The following PPP1R36 variants were observed in gnomAD, a reference collection of about 807,000 sequenced individuals.
PPP1R36 encodes chromosome 14 open reading frame 50.
Under a neutral mutation model 53.4 loss-of-function variants are expected in PPP1R36, and 47 were observed. The ratio of observed to expected loss-of-function variants is 0.88; its 90% CI spans 0.70 to 1.12. The LOEUF is 1.12. PPP1R36 is among the 50% of genes most tolerant of loss of function. The probability of loss-of-function intolerance (pLI) is 0.00; values close to 1 mark genes in which losing one functional copy is unlikely to be tolerated. For synonymous variants in PPP1R36, 153 were observed against 170.5 expected (o/e 0.90, Z 0.80); for missense variants, 456 against 513.9 (o/e 0.89, Z 1.09).
intron 8 of PPP1R36, among the ~76,000 whole-genome samples, chr14:64,583,280 A>C (rs1207403643): frequency 2.0e-5 from 3 of 151,930 alleles, no homozygotes; most frequent in Non-Finnish European, 4.4e-5. Flanking sequence ...ATATGTACTT[A>C]ATATAAAAAT....
At chr14:64,568,548 G>C in intron 7 of PPP1R36, 101 bp downstream of exon 7, 1 of 534,734 alleles carries the variant, frequency 1.9e-6, no homozygotes, top group Non-Finnish European at 3.3e-6. Flanking sequence ...TTAAATCTTT[G>C]AGATGTACTA....
chr14:64,565,771 C>G (rs2080248424), intron 6 of PPP1R36, 79 bp downstream of exon 6: 1 of 1,135,496 alleles, frequency 8.8e-7, no homozygotes, highest in Non-Finnish European at 1.3e-6. Context: ...GATGACAAAT[C>G]TGATTTTTAG....
intron 4 of PPP1R36, 44 bp downstream of exon 4, chr14:64,564,881 C>G (rs747368265): frequency 1.5e-6 from 2 of 1,331,838 alleles, no homozygotes; most frequent in East Asian, 2.4e-5. Flanking sequence ...GATAGCATCT[C>G]TCAGTGGAAT....
intron 3 of PPP1R36, chr14:64,561,973 A>G (rs2080208937): frequency 5.6e-6 from 2 of 356,456 alleles, no homozygotes; most frequent in Non-Finnish European, 5.6e-6. Flanking sequence ...AGCCCTCTGC[A>G]TTTACGTGAT....
In PPP1R36 at chr14:64,587,327, A is replaced by C; in HGVS notation, c.845A>C (p.Glu282Ala). ...ATTCCTCGCAGGAGGCGTGAAGATG[A>C]GGAATCAGGAGGGGAAAAGAAACGC... ...FNIPRRRRED[E>A]ESGGEKKRMT... The change falls in exon 10 of 12, where the codon GAG becomes GCG. Residue 282 changes from glutamate to alanine, a missense_variant. Transcript: ENST00000298705. 1 of 1,613,728 alleles carries C rather than the reference A, an allele frequency of 6.2e-7. No homozygotes were observed. The highest frequency in any genetic ancestry group is 1.7e-5 in the Admixed American group (1 of 59,974).
At chr14:64,575,520 T>G (rs184580180) in intron 8 of PPP1R36, among the ~76,000 whole-genome samples, 1 of 152,364 alleles carries the variant, frequency 6.6e-6, no homozygotes, top group East Asian at 1.9e-4. Context: ...ATTTCTGCAT[T>G]GAATATTCTT....
chr14:64,571,941 C>T (rs979673924), intron 7 of PPP1R36, among the ~76,000 whole-genome samples: 13 of 152,082 alleles, frequency 8.5e-5, no homozygotes, highest in Non-Finnish European at 1.5e-4. Flanking sequence ...GGGAAAGACC[C>T]GCCACGATGA....
intron 3 of PPP1R36, among the ~76,000 whole-genome samples, chr14:64,557,931 C>G (rs541900002): frequency 7.2e-5 from 11 of 152,136 alleles, no homozygotes; most frequent in Non-Finnish European, 1.5e-4. Flanking sequence ...ATCGCTTGAA[C>G]CCAGGCGGCA....
intron 3 of PPP1R36, among the ~76,000 whole-genome samples, chr14:64,553,594 A>T (rs2080115326): frequency 6.6e-6 from 1 of 152,176 alleles, no homozygotes; most frequent in African/African-American, 2.4e-5. Flanking sequence ...AAGTTTTGAC[A>T]AATAGGCAAA....
intron 6 of PPP1R36, 30 bp from the exon 7 acceptor site, chr14:64,568,318 TC>T: frequency 1.0e-6 from 1 of 983,072 alleles, no homozygotes. Context: ...TAGCATTGAC[TC>T]TTTTTTTGTT....
At chr14:64,551,200 G>A (rs187982509) in intron 2 of PPP1R36, among the ~76,000 whole-genome samples, 18 of 152,292 alleles carry the variant, frequency 1.2e-4, no homozygotes, top group African/African-American at 4.3e-4. Flanking sequence ...CTTTGAAACA[G>A]CTGCATGTTA....
intron 8 of PPP1R36, among the ~76,000 whole-genome samples, chr14:64,578,543 A>G (rs993911304): frequency 2.6e-5 from 4 of 152,266 alleles, no homozygotes; most frequent in African/African-American, 9.6e-5. Flanking sequence ...AGTAAAAAAT[A>G]AAAACCACAA....
chr14:64,562,041 A>G (rs1184621249), intron 3 of PPP1R36: 1 of 316,662 alleles, frequency 3.2e-6, no homozygotes, highest in African/African-American at 2.2e-5. Flanking sequence ...AAGGGGAATG[A>G]CATGATTATA....
chr14:64,560,233 G>A, intron 3 of PPP1R36, among the ~76,000 whole-genome samples: 1 of 149,386 alleles, frequency 6.7e-6, no homozygotes, highest in Non-Finnish European at 1.5e-5. Context: ...CTAAGCTCAA[G>A]AGTTTGAGAC....
At position 64,564,948 on chromosome 14, in the gene PPP1R36, C is replaced by T. The variant is rs571907410; in HGVS notation, c.269+111C>T. 2.9e-4 allele frequency: 200 copies of T among 688,312 alleles called. 1 individual carries two copies. In the Middle Eastern group the frequency reaches 5.3e-3, roughly 18 times the overall value. 42.6% of individuals were successfully genotyped at this position (688,312 alleles called of 1,614,324 possible). A position where few individuals can be genotyped will look rare whatever the true frequency, so the allele number is the denominator to read the frequency against. On this transcript the variant is annotated intron_variant, in intron 4 of 11. Coordinates refer to ENST00000298705, the MANE Select transcript of PPP1R36 (RefSeq NM_172365.3). ...ATTCCCATTATTCTAGGTCGCAATG[C>T]GAATACCCATCAAAGAAAGAACATG...
intron 3 of PPP1R36, among the ~76,000 whole-genome samples, chr14:64,561,088 C>T (rs2080202134): frequency 1.3e-5 from 2 of 152,258 alleles, no homozygotes; most frequent in South Asian, 4.1e-4. Context: ...CATAAAGTAA[C>T]ATCTTGATCT....
At chr14:64,588,555 ATTT>A (rs34440209) in intron 11 of PPP1R36, 718 of 149,436 alleles carry the variant, frequency 4.8e-3, no homozygotes, top group Middle Eastern at 7.7e-3. Flanking sequence ...TGAGTAACTG[ATTT>A]TTTTTTTTTT....
Position 64,587,277 on chromosome 14 carries a change from A to G in PPP1R36, c.795A>G (p.Arg265=), listed in dbSNP as rs1468314399. The G allele has an allele frequency of 6.2e-7, 1 of 1,613,022 alleles. No individual in the cohort carries two copies. The highest frequency in any genetic ancestry group is 2.2e-5 in the East Asian group (1 of 44,868). ...CAGAGATTGAAGAAGAAGTAGGGAG[A>G]CTCTTTCGTACCAATATGTTCAACA... ...HLTEIEEEVG[R]LFRTNMFNIP... is the part of the protein sequence containing the mutation. Residue 265 remains arginine, a synonymous_variant, in exon 10 of 12, where the codon AGA becomes AGG. Coordinates refer to ENST00000298705, the MANE Select transcript of PPP1R36 (RefSeq NM_172365.3).
At chr14:64,565,756 T>C (rs2080248209) in intron 6 of PPP1R36, 64 bp downstream of exon 6, 1 of 1,226,058 alleles carries the variant, frequency 8.2e-7, no homozygotes, top group African/African-American at 1.5e-5. Context: ...CTTCATCTGA[T>C]AAGTGATGAC....
Sources: gnomAD v4.1 joint callset for allele counts (sites outside exome capture counted in the v4.1 genomes callset) on GRCh38, gnomAD v4.1.1 for gene constraint, MANE v1.5 for transcripts, NCBI Gene and HGNC (gene_info 2026-07-23, HGNC 2026-07-21) for gene names.